The following NBAS variants were observed in gnomAD, a reference collection of about 807,000 sequenced individuals.
NBAS encodes NAG/BC035112 fusion.
A neutral mutation model predicts 302.5 loss-of-function variants in NBAS; 219 were observed. That is an observed-to-expected ratio of 0.72 (90% confidence interval 0.65 to 0.81). The LOEUF is 0.81. Ranked by LOEUF, NBAS falls within the 30% of genes least tolerant of loss-of-function variation. The pLI, the probability that NBAS is intolerant of heterozygous loss-of-function variation, is 0.00. For missense variants in NBAS, 2,932 were observed against 2,841.6 expected (o/e 1.03, Z -0.72); for synonymous variants, 1,118 against 1,021.6 (o/e 1.09, Z -1.80).
the NBAS span, among the ~76,000 whole-genome samples, chr2:15,101,544 TA>T: frequency 6.6e-6 from 1 of 152,050 alleles, no homozygotes; most frequent in Non-Finnish European, 1.5e-5. Flanking sequence ...CATATAGTTT[TA>T]AAAAAAGAAT....
intron 47 of NBAS, among the ~76,000 whole-genome samples, chr2:15,226,856 C>A (rs1021644852): frequency 1.3e-5 from 2 of 152,100 alleles, no homozygotes; most frequent in African/African-American, 2.4e-5. Flanking sequence ...TATGTGCAAA[C>A]GTGGACAATC....
intron 6 of NBAS, among the ~76,000 whole-genome samples, chr2:15,539,744 GC>G (rs1345099395): frequency 6.6e-6 from 1 of 151,700 alleles, no homozygotes; most frequent in Non-Finnish European, 1.5e-5. Context: ...TCCTCTAAAA[GC>G]AAAAAATAAA....
At chr2:15,326,945 T>G (rs1672097125) in intron 38 of NBAS, among the ~76,000 whole-genome samples, 2 of 152,310 alleles carry the variant, frequency 1.3e-5, no homozygotes, top group South Asian at 4.1e-4. Flanking sequence ...TTAGCAGTTC[T>G]ATTCCCTGTA....
At chr2:15,404,654 A>G (rs548353006) in intron 25 of NBAS, among the ~76,000 whole-genome samples, 1 of 152,058 alleles carries the variant, frequency 6.6e-6, no homozygotes, top group Admixed American at 6.5e-5. Context: ...CTGGGATTAC[A>G]GGTGCCCACA....
the NBAS span, among the ~76,000 whole-genome samples, chr2:14,929,140 C>T: frequency 5.3e-5 from 8 of 152,096 alleles, no homozygotes; most frequent in East Asian, 1.9e-4. Flanking sequence ...CATGCAGATT[C>T]GTGGGCCCCA....
intron 41 of NBAS, among the ~76,000 whole-genome samples, chr2:15,288,234 C>T (rs1208427706): frequency 1.3e-5 from 2 of 152,162 alleles, no homozygotes; most frequent in Non-Finnish European, 2.9e-5. Context: ...TCCTTAGGAA[C>T]TAAAAACAAA....
At position 15,561,315 on chromosome 2, in the gene NBAS, G is replaced by A. The variant is rs888129308; in HGVS notation, c.-11C>T. 3 of 1,609,848 alleles carry A rather than the reference G, an allele frequency of 1.9e-6. No individual in the cohort carries two copies. The highest frequency in any genetic ancestry group is 1.3e-5 in the African/African-American group (1 of 75,004). ...CTCGGGGGCCGCCATGTTCGCCGAG[G>A]ACTCAGGCAGCGGAGGAGTGTCTCT... On this transcript the variant is annotated 5_prime_UTR_variant, in exon 1 of 52. Coordinates refer to ENST00000281513, the MANE Select transcript of NBAS (RefSeq NM_015909.4).
the NBAS span, among the ~76,000 whole-genome samples, chr2:15,143,408 C>T: frequency 1.3e-5 from 2 of 152,158 alleles, no homozygotes; most frequent in Non-Finnish European, 2.9e-5. Context: ...GTTGACGGAG[C>T]AGTTTTGATC....
At chr2:14,810,550 G>A in the NBAS span, among the ~76,000 whole-genome samples, 1 of 152,132 alleles carries the variant, frequency 6.6e-6, no homozygotes. Context: ...CTTTTTCTTT[G>A]TAAATTGCTC....
At chr2:14,842,846 CAAAAAAAAAA>C in the NBAS span, among the ~76,000 whole-genome samples, 3 of 74,070 alleles carry the variant, frequency 4.1e-5, no homozygotes. Context: ...CAGAAAATGA[CAAAAAAAAAA>C]AAAAAAAACA....
At chr2:15,179,240 T>C (rs1281145456) in intron 50 of NBAS, 124 bp from the exon 51 acceptor site, 2 of 1,433,968 alleles carry the variant, frequency 1.4e-6, no homozygotes, top group Admixed American at 3.8e-5. Context: ...AAGCCACATA[T>C]GGTACCGCAC....
chr2:15,508,278 A>C (rs924708554), intron 10 of NBAS, among the ~76,000 whole-genome samples: 2 of 152,214 alleles, frequency 1.3e-5, no homozygotes, highest in Non-Finnish European at 2.9e-5. Context: ...TCAGGCCACA[A>C]GGAGATCAGG....
At chr2:15,474,901 A>C (rs974401799) in intron 14 of NBAS, among the ~76,000 whole-genome samples, 3 of 152,148 alleles carry the variant, frequency 2.0e-5, no homozygotes, top group African/African-American at 7.2e-5. Flanking sequence ...ACGGTCTTGT[A>C]CATATAATTA....
At chr2:15,375,830 T>C (rs1159196396) in intron 30 of NBAS, among the ~76,000 whole-genome samples, 1 of 151,766 alleles carries the variant, frequency 6.6e-6, no homozygotes, top group African/African-American at 2.4e-5. Flanking sequence ...ATAAATTATA[T>C]AATGGAATGT....
At chr2:15,325,371 T>A (rs1672016295) in intron 38 of NBAS, among the ~76,000 whole-genome samples, 1 of 145,724 alleles carries the variant, frequency 6.9e-6, no homozygotes, top group Non-Finnish European at 1.5e-5. Flanking sequence ...AATTTAAAAA[T>A]CCTTTATTGC....
intron 38 of NBAS, among the ~76,000 whole-genome samples, chr2:15,321,401 T>A (rs1464923994): frequency 6.6e-6 from 1 of 152,176 alleles, no homozygotes; most frequent in Non-Finnish European, 1.5e-5. Context: ...AAAGGGGATC[T>A]AATTAAACTA....
intron 48 of NBAS, among the ~76,000 whole-genome samples, chr2:15,191,766 T>C (rs944913724): frequency 6.6e-6 from 1 of 152,190 alleles, no homozygotes; most frequent in Non-Finnish European, 1.5e-5. Context: ...AGTTGGGAGT[T>C]TGGCAATGTT....
intron 13 of NBAS, among the ~76,000 whole-genome samples, chr2:15,477,493 T>G (rs1166942923): frequency 6.6e-6 from 1 of 152,180 alleles, no homozygotes; most frequent in Non-Finnish European, 1.5e-5. Context: ...ACTCCCGACC[T>G]CGGGTGATCC....
intron 30 of NBAS, among the ~76,000 whole-genome samples, chr2:15,376,118 G>C (rs1416616809): frequency 6.6e-6 from 1 of 152,002 alleles, no homozygotes; most frequent in Non-Finnish European, 1.5e-5. Context: ...TGTATTGTTT[G>C]GATATCTATT....
Sources: gnomAD v4.1 joint callset for allele counts (sites outside exome capture counted in the v4.1 genomes callset) on GRCh38, gnomAD v4.1.1 for gene constraint, MANE v1.5 for transcripts, NCBI Gene and HGNC (gene_info 2026-07-23, HGNC 2026-07-21) for gene names.